TCF4: variants seen among roughly 807,000 people sequenced by gnomAD.
TCF4 encodes the protein transcription factor 4.
A neutral mutation model predicts 82.1 loss-of-function variants in TCF4; 3 were observed. The ratio of observed to expected loss-of-function variants is 0.04; its 90% confidence interval spans 0.02 to 0.09. The LOEUF is 0.09. Ranked by LOEUF, TCF4 falls within the 10% of genes least tolerant of loss-of-function variation. TCF4 has a pLI of 1.00. For missense variants in TCF4, 518 were observed against 852.7 expected (o/e 0.61, Z 4.89); for synonymous variants, 276 against 309.6 (o/e 0.89, Z 1.14).
chr18:55,400,438 CT>C (rs1460035355), intron 6 of TCF4, among the ~76,000 whole-genome samples: 1 of 152,078 alleles, frequency 6.6e-6, no homozygotes, highest in African/African-American at 2.4e-5. Flanking sequence ...GCTACTTTTG[CT>C]TATCTATTGA....
chr18:55,281,172 AG>A (rs966916419), intron 8 of TCF4, among the ~76,000 whole-genome samples: 3 of 152,178 alleles, frequency 2.0e-5, no homozygotes, highest in Admixed American at 2.0e-4. Context: ...GCTTACAATA[AG>A]GAAAAAAAAC....
At chr18:55,592,267 A>G (rs1005077018), upstream of TCF4, among the ~76,000 whole-genome samples, 1 of 152,132 alleles carries the variant, frequency 6.6e-6, no homozygotes, top group Non-Finnish European at 1.5e-5. Context: ...CCAAAATACC[A>G]CAGACTGGGT....
At chr18:55,617,780 C>T (rs1056408270) in intron 2 of TCF4, among the ~76,000 whole-genome samples, 1 of 148,302 alleles carries the variant, frequency 6.7e-6, no homozygotes, top group African/African-American at 2.5e-5. Context: ...GCTTTTGTAT[C>T]CTGAAACTTT....
intron 6 of TCF4, among the ~76,000 whole-genome samples, chr18:55,359,310 C>T (rs1406044592): frequency 1.3e-5 from 2 of 152,038 alleles, no homozygotes; most frequent in Non-Finnish European, 2.9e-5. Context: ...ATTTCTTTTC[C>T]CCCAGTCTTC....
intron 8 of TCF4, among the ~76,000 whole-genome samples, chr18:55,303,481 T>C (rs1227063594): frequency 6.6e-6 from 1 of 152,172 alleles, no homozygotes; most frequent in African/African-American, 2.4e-5. Context: ...AATATAAAAA[T>C]CCAAGCAGAC....
chr18:55,271,119 T>C (rs1189101640), intron 10 of TCF4, among the ~76,000 whole-genome samples: 1 of 152,098 alleles, frequency 6.6e-6, no homozygotes. Context: ...AGTGTTGCCC[T>C]GTTTACTCTG....
intron 15 of TCF4, among the ~76,000 whole-genome samples, chr18:55,246,253 G>A (rs1455315995): frequency 1.3e-5 from 2 of 150,616 alleles, no homozygotes; most frequent in Non-Finnish European, 3.0e-5. Flanking sequence ...GTGTGTGTGT[G>A]TGTGTGTGTA....
chr18:55,321,147 T>C (rs1414885245), intron 8 of TCF4: 1 of 158,040 alleles, frequency 6.3e-6, no homozygotes, highest in Non-Finnish European at 1.4e-5. Context: ...TTTATGTGTT[T>C]GCTCTATTTT....
At chr18:55,339,652 G>A (rs2079400544) in intron 8 of TCF4, among the ~76,000 whole-genome samples, 1 of 152,194 alleles carries the variant, frequency 6.6e-6, no homozygotes, top group African/African-American at 2.4e-5. Flanking sequence ...ATTGTGGAAT[G>A]TGGAGACCAC....
Position 55,461,091 on chromosome 18 carries a change from C to G in TCF4, c.232G>C (p.Asp78His), listed in dbSNP as rs1437018604. The part of the protein sequence containing the change: ...SRNYGDGTPY[D>H]HMTSRDLGSH... ...CCAAGGTCCCTGCTGGTCATGTGGTCATAGGGAGTCCCATCTCCATAGTTC... is the reference window on the plus strand; with the variant it reads ...CCAAGGTCCCTGCTGGTCATGTGGTGATAGGGAGTCCCATCTCCATAGTTC... Residue 78 changes from aspartate (D) to histidine (H), a missense_variant, in exon 5 of 20, where the codon GAC becomes CAC. By Grantham distance (81) the Asp-to-His change is moderately conservative. Around this residue, in one of 7 missense-constraint regions of TCF4, gnomAD observed 80 missense variants for 93.8 expected, o/e 0.85. Transcript: ENST00000354452. 6.2e-7 allele frequency: 1 copy of G among 1,613,016 alleles called. No homozygotes were observed. Among genetic ancestry groups the G allele is most frequent in the Non-Finnish European group, 8.5e-7 (1 of 1,179,432 alleles).
chr18:55,566,360 T>A (rs1036641262), intron 3 of TCF4, among the ~76,000 whole-genome samples: 11 of 152,188 alleles, frequency 7.2e-5, no homozygotes, highest in Non-Finnish European at 1.3e-4. Flanking sequence ...GGGTACAATG[T>A]AGTCCTGACT....
chr18:55,571,594 AAT>A (rs1446647372), intron 3 of TCF4, among the ~76,000 whole-genome samples: 1 of 152,216 alleles, frequency 6.6e-6, no homozygotes, highest in Non-Finnish European at 1.5e-5. Context: ...TATAAGATAA[AAT>A]ATGTTTTCTA....
intron 3 of TCF4, among the ~76,000 whole-genome samples, chr18:55,536,962 A>T (rs2097121931): frequency 6.6e-6 from 1 of 151,868 alleles, no homozygotes; most frequent in Admixed American, 6.6e-5. Flanking sequence ...GTGAAACCCC[A>T]TCTCTACTAA....
intron 3 of TCF4, among the ~76,000 whole-genome samples, chr18:55,484,533 T>C (rs2096487731): frequency 6.6e-6 from 1 of 152,218 alleles, no homozygotes; most frequent in Non-Finnish European, 1.5e-5. Context: ...GCAAAGTCTA[T>C]AGTTCAGTCC....
intron 3 of TCF4, among the ~76,000 whole-genome samples, chr18:55,499,544 A>G (rs1452793): frequency 6.6e-6 from 1 of 152,196 alleles, no homozygotes. Context: ...CTCTAACTTG[A>G]CTGTACATTA....
intron 8 of TCF4, among the ~76,000 whole-genome samples, chr18:55,310,467 A>G (rs2071977537): frequency 6.6e-6 from 1 of 152,230 alleles, no homozygotes; most frequent in African/African-American, 2.4e-5. Context: ...AGTGAGGTCT[A>G]GAAGTTGGCA....
chr18:55,468,131 C>T (rs1220376143), intron 3 of TCF4, among the ~76,000 whole-genome samples: 2 of 152,068 alleles, frequency 1.3e-5, no homozygotes, highest in Non-Finnish European at 1.5e-5. Flanking sequence ...CTCTTGTGTC[C>T]ACAAAAGATT....
At chr18:55,275,154 AT>A (rs1312578013) in intron 10 of TCF4, among the ~76,000 whole-genome samples, 2 of 152,046 alleles carry the variant, frequency 1.3e-5, no homozygotes, top group Non-Finnish European at 2.9e-5. Context: ...TTTTGGATAC[AT>A]CACAACAGGC....
chr18:55,552,596 T>C (rs2097269522), intron 3 of TCF4, among the ~76,000 whole-genome samples: 1 of 152,254 alleles, frequency 6.6e-6, no homozygotes, highest in African/African-American at 2.4e-5. Flanking sequence ...ACACCAGTGC[T>C]GACTGTGAAA....
Sources: gnomAD v4.1 joint callset for allele counts (sites outside exome capture counted in the v4.1 genomes callset) on GRCh38, gnomAD v4.1.1 for gene constraint, gnomAD v4.1.1 regional missense constraint, MANE v1.5 for transcripts, NCBI Gene and HGNC (gene_info 2026-07-23, HGNC 2026-07-21) for gene names.